GDNF: variants seen among roughly 807,000 people sequenced by gnomAD.
GDNF encodes the protein glial cell derived neurotrophic factor.
GDNF carries 5 observed loss-of-function variants against 13.7 expected under a neutral mutation model. The ratio of observed to expected loss-of-function variants is 0.36; its 90% CI spans 0.19 to 0.77. The LOEUF (loss-of-function observed/expected upper bound fraction) is 0.77, where lower values mean the gene tolerates loss of function less well. Ranked by LOEUF, GDNF falls within the 30% of genes least tolerant of loss-of-function variation. GDNF has a pLI of 0.51. For missense variants in GDNF, 246 were observed against 274.3 expected (o/e 0.90, Z 0.73); for synonymous variants, 122 against 112.5 (o/e 1.08, Z -0.53).
chr5:37,822,260 T>C (rs1750163578), intron 2 of GDNF, among the ~76,000 whole-genome samples: 1 of 152,204 alleles, frequency 6.6e-6, no homozygotes, highest in Admixed American at 6.5e-5. Flanking sequence ...GCTTGAGATC[T>C]GCATGAGCCG....
chr5:37,833,241 G>GA (rs1750581579), intron 2 of GDNF, among the ~76,000 whole-genome samples: 2 of 152,188 alleles, frequency 1.3e-5, no homozygotes, highest in Admixed American at 1.3e-4. Flanking sequence ...CCGTTTGAGT[G>GA]AATGAATAGC....
chr5:37,817,122 C>T (rs1216951953), intron 2 of GDNF, among the ~76,000 whole-genome samples: 2 of 152,150 alleles, frequency 1.3e-5, no homozygotes, highest in Non-Finnish European at 2.9e-5. Flanking sequence ...ACAAGAGGCT[C>T]ATTAGGGAGA....
intron 2 of GDNF, among the ~76,000 whole-genome samples, chr5:37,831,810 AGCAAAATACTG>A (rs1230385158): frequency 1.2e-4 from 19 of 152,356 alleles, no homozygotes; most frequent in African/African-American, 2.2e-4. Context: ...ACTGGCAAAA[AGCAAAATACTG>A]GCAAAATACT....
intron 2 of GDNF, among the ~76,000 whole-genome samples, chr5:37,825,132 A>G (rs1456274209): frequency 6.6e-6 from 1 of 152,236 alleles, no homozygotes; most frequent in Non-Finnish European, 1.5e-5. Context: ...GACATTGCAC[A>G]TACTAGTTGT....
In GDNF at chr5:37,815,435, T is replaced by C. The variant is rs896597971; in HGVS notation, c.*216A>G. ...AGAGGGCTGTTTTCTCTCTCTCCTG[T>C]CCAGTTGTCTGTAGCTGGATCTCCC... On this transcript the variant is annotated 3_prime_UTR_variant, in exon 3 of 3. Coordinates refer to ENST00000326524, the MANE Select transcript of GDNF (RefSeq NM_000514.4). The surrounding 1 kb of genome is among the most constrained non-coding windows in gnomAD (Gnocchi z 5.0). 2 of 612,344 alleles carry C rather than the reference T, an allele frequency of 3.3e-6. No homozygotes were observed. The highest frequency in any genetic ancestry group is 5.8e-6 in the Non-Finnish European group (2 of 343,230). The allele number at this position is 612,344 out of a possible 1,614,324, so 37.9% of individuals were successfully genotyped here.
intron 2 of GDNF, among the ~76,000 whole-genome samples, chr5:37,825,724 T>C (rs144799177): frequency 6.6e-6 from 1 of 152,302 alleles, no homozygotes; most frequent in Non-Finnish European, 1.5e-5. Flanking sequence ...CCCTGCAGGA[T>C]TCTGCACTCA....
rs1012912883 is a variant in GDNF at position 37,837,508 on chromosome 5, A to G, written c.-27+1999T>C. ...GCAAGGACGCCCAGGAAAGCCACAGAAGTGCTCGCAGAAGCAGCCGCTCGC... is the reference window on the plus strand; with the variant it reads ...GCAAGGACGCCCAGGAAAGCCACAGGAGTGCTCGCAGAAGCAGCCGCTCGC... On this transcript the variant is annotated intron_variant, in intron 1 of 2. Coordinates refer to ENST00000326524, the MANE Select transcript of GDNF (RefSeq NM_000514.4). This position sits in a 1 kb window ranked among gnomAD's most constrained non-coding sequence, Gnocchi z 6.5. 6.6e-6 allele frequency among the ~76,000 whole-genome samples: 1 copy of G among 152,078 alleles called. No homozygotes were observed. The highest frequency in any genetic ancestry group is 1.5e-5 in the Non-Finnish European group (1 of 67,990).
chr5:37,816,152 G>T lies in GDNF; in HGVS notation c.152-17C>A, dbSNP rs201594049. 17 of 1,613,068 alleles carry T rather than the reference G, an allele frequency of 1.1e-5. No homozygotes were observed. In the Admixed American group the frequency reaches 2.8e-4, roughly 27 times the overall value. On this transcript the variant is annotated splice_polypyrimidine_tract_variant and intron_variant, in intron 2 of 2. Transcript: ENST00000326524. Reference sequence around the variant, plus strand: ...GCATATTTGCTGTTCAAAAAGAAAAGAGAAAATGGCACATGAGACAAAATG... The same window carrying T: ...GCATATTTGCTGTTCAAAAAGAAAATAGAAAATGGCACATGAGACAAAATG...
chr5:37,816,282 C>A, intron 2 of GDNF, 147 bp from the exon 3 acceptor site: 1 of 740,728 alleles, frequency 1.4e-6, no homozygotes, highest in Admixed American at 2.3e-5. Context: ...CACTGTAATC[C>A]CCAAAAACAG....
chr5:37,819,422 G>A (rs1296747817), intron 2 of GDNF, among the ~76,000 whole-genome samples: 1 of 151,510 alleles, frequency 6.6e-6, no homozygotes, highest in African/African-American at 2.4e-5. Context: ...TTTCTTAAGG[G>A]GGCCCAGGGA....
At chr5:37,824,759 T>C (rs1055196062) in intron 2 of GDNF, among the ~76,000 whole-genome samples, 1 of 152,244 alleles carries the variant, frequency 6.6e-6, no homozygotes, top group Non-Finnish European at 1.5e-5. Flanking sequence ...GATCATAGGC[T>C]GCTGTTGGGT....
chr5:37,819,714 A>T (rs1236862329), intron 2 of GDNF, among the ~76,000 whole-genome samples: 4 of 152,022 alleles, frequency 2.6e-5, no homozygotes, highest in African/African-American at 9.7e-5. Flanking sequence ...CAGCCTCCCA[A>T]AATGCTGGGA....
chr5:37,827,973 C>A (rs188534773), intron 2 of GDNF, among the ~76,000 whole-genome samples: 1 of 152,236 alleles, frequency 6.6e-6, no homozygotes, highest in East Asian at 1.9e-4. Flanking sequence ...AATTGGAAGG[C>A]CATATTGTTT....
In GDNF at chr5:37,837,029, G is replaced by A. The variant is rs1289147235; in HGVS notation, c.-26-2207C>T. On this transcript the variant is annotated intron_variant, in intron 1 of 2. Coordinates refer to ENST00000326524, the MANE Select transcript of GDNF (RefSeq NM_000514.4). The surrounding 1 kb of genome is among the most constrained non-coding windows in gnomAD (Gnocchi z 6.5). The stretch of plus-strand genomic sequence containing the variant: ...CCTCTTCCCCCGGGACAGGGAGGGC[G>A]CATTCTTCCCTCTGAGCGCCGCCGG... Among the ~76,000 whole-genome samples, 3 of 152,178 alleles carry A rather than the reference G, an allele frequency of 2.0e-5. No individual in the cohort carries two copies. Among genetic ancestry groups the A allele is most frequent in the African/African-American group, 4.8e-5 (2 of 41,450 alleles).
intron 2 of GDNF, among the ~76,000 whole-genome samples, chr5:37,826,940 T>A (rs1561132141): frequency 6.6e-6 from 1 of 152,160 alleles, no homozygotes; most frequent in Non-Finnish European, 1.5e-5. Flanking sequence ...CATGAATGGC[T>A]CCTTGGAACA....
intron 2 of GDNF, among the ~76,000 whole-genome samples, chr5:37,826,192 C>T (rs1490441087): frequency 6.6e-6 from 1 of 152,172 alleles, no homozygotes; most frequent in Non-Finnish European, 1.5e-5. Flanking sequence ...TGGGGCTAGT[C>T]ACACCTTTAC....
At chr5:37,834,560 G>C in intron 2 of GDNF, 86 bp downstream of exon 2, 4 of 1,229,706 alleles carry the variant, frequency 3.3e-6, no homozygotes, top group Non-Finnish European at 4.4e-6. Context: ...CATCAGGCTG[G>C]CTTGGGGTAC....
rs551736134 is a variant in GDNF, at chr5:37,838,347, G to C, written c.-27+1160C>G. Among the ~76,000 whole-genome samples, 6 of 152,384 alleles carry C rather than the reference G, an allele frequency of 3.9e-5. No individual in the cohort carries two copies. Among genetic ancestry groups the C allele is most frequent in the African/African-American group, 1.2e-4 (5 of 41,592 alleles). On this transcript the variant is annotated intron_variant, in intron 1 of 2. Coordinates refer to ENST00000326524, the MANE Select transcript of GDNF (RefSeq NM_000514.4). This position sits in a 1 kb window ranked among gnomAD's most constrained non-coding sequence, Gnocchi z 4.1. The stretch of plus-strand genomic sequence containing the variant: ...GCGAAGGCGCAGCGAAACAGTACGA[G>C]TTTGGTCGAGGCCGGCTTTGACGGC...
Position 37,815,669 on chromosome 5 carries a change from T to G in GDNF, c.618A>C (p.Lys206Asn). 1 of 1,613,846 alleles carries G rather than the reference T, an allele frequency of 6.2e-7. No individual in the cohort carries two copies. The highest frequency in any genetic ancestry group is 8.5e-7 in the Non-Finnish European group (1 of 1,179,744). Residue 206 changes from lysine (K) to asparagine (N), a missense_variant, in exon 3 of 3, where the codon AAA becomes AAC. Physicochemically the swap from Lys to Asn is moderately conservative, Grantham distance 94. Transcript: ENST00000326524. This position sits in a 1 kb window ranked among gnomAD's most constrained non-coding sequence, Gnocchi z 5.0. The part of the protein sequence containing the change: ...VYHILRKHSA[K>N]RCGCI ...GCCGGAGTCAGATACATCCACACCTTTTAGCGGAATGCTTTCTTAGAATAT... is the reference window on the plus strand; with the variant it reads ...GCCGGAGTCAGATACATCCACACCTGTTAGCGGAATGCTTTCTTAGAATAT...
Sources: allele counts gnomAD v4.1 joint callset (sites outside exome capture counted in the v4.1 genomes callset), GRCh38; gene constraint gnomAD v4.1.1; non-coding constraint Gnocchi (gnomAD v3.1); transcripts MANE v1.5; gene names NCBI Gene and HGNC (gene_info 2026-07-23, HGNC 2026-07-21).